The following RC3H1 variants were observed in gnomAD, a reference collection of about 807,000 sequenced individuals.
RC3H1 encodes roquin-1.
A neutral mutation model predicts 138.2 loss-of-function variants in RC3H1; 50 were observed. The ratio of observed to expected loss-of-function variants is 0.36; its 90% CI spans 0.29 to 0.46. The LOEUF is 0.46. RC3H1 is among the 20% of genes least tolerant of loss of function. The probability of loss-of-function intolerance (pLI) is 1.00; values close to 1 mark genes in which losing one functional copy is unlikely to be tolerated. For synonymous variants in RC3H1, 462 were observed against 489.1 expected (o/e 0.94, Z 0.73); for missense variants, 1,031 against 1,388.1 (o/e 0.74, Z 4.09).
In RC3H1 at chr1:173,970,632, A is replaced by T. The variant is rs1660316464; in HGVS notation, c.1222-15T>A. 1 of 1,551,206 alleles carries T rather than the reference A, an allele frequency of 6.4e-7. No homozygotes were observed. ...TGCTGTGGAGGCTAAAACCAAAATC[A>T]AAACATTAGATGTGTAATAACCCCC... On this transcript the variant is annotated splice_polypyrimidine_tract_variant and intron_variant, in intron 8 of 19. Coordinates refer to ENST00000367696, the MANE Select transcript of RC3H1 (RefSeq NM_172071.4).
chr1:173,944,529 T>A (rs1353272507), intron 17 of RC3H1, among the ~76,000 whole-genome samples: 1 of 152,190 alleles, frequency 6.6e-6, no homozygotes, highest in African/African-American at 2.4e-5. Context: ...GTAACAAACC[T>A]GCACGTTGTG....
At chr1:173,968,146 C>T (rs751989933) in intron 9 of RC3H1, among the ~76,000 whole-genome samples, 6 of 152,160 alleles carry the variant, frequency 3.9e-5, no homozygotes, top group Admixed American at 3.3e-4. Flanking sequence ...TCTATTCCTA[C>T]GCAAAAGACT....
At chr1:174,004,437 C>T (rs1661616396) in intron 1 of RC3H1, among the ~76,000 whole-genome samples, 1 of 151,852 alleles carries the variant, frequency 6.6e-6, no homozygotes, top group African/African-American at 2.4e-5. Context: ...GGTTTTAATA[C>T]ACAAATACGT....
chr1:173,984,380 G>A (rs1178426247), intron 3 of RC3H1, 119 bp downstream of exon 3: 19 of 832,538 alleles, frequency 2.3e-5, no homozygotes, highest in Non-Finnish European at 3.0e-5. Flanking sequence ...ATGGATAATT[G>A]CATCAAATTT....
At chr1:173,986,166 A>G (rs1286599652) in intron 2 of RC3H1, among the ~76,000 whole-genome samples, 2 of 151,680 alleles carry the variant, frequency 1.3e-5, no homozygotes, top group African/African-American at 4.8e-5. Flanking sequence ...GGACTACAGG[A>G]GCAAGCCACC....
chr1:173,993,033 A>C lies in RC3H1; in HGVS notation c.-48T>G. Reference sequence around the variant, plus strand: ...GAACACAAACACACACACAAATCTAAAGCAAAGATTCCACTGGAATCAAAA... The same window carrying C: ...GAACACAAACACACACACAAATCTACAGCAAAGATTCCACTGGAATCAAAA... On this transcript the variant is annotated 5_prime_UTR_variant, in exon 2 of 20. Coordinates refer to ENST00000367696, the MANE Select transcript of RC3H1 (RefSeq NM_172071.4). 20 of 1,339,356 alleles carry C rather than the reference A, an allele frequency of 1.5e-5. No individual in the cohort carries two copies. The highest frequency in any genetic ancestry group is 2.1e-5 in the Non-Finnish European group (20 of 935,584). 83.0% of individuals were successfully genotyped at this position (1,339,356 alleles called of 1,614,324 possible).
chr1:174,015,672 T>TTATA (rs71770714), intron 1 of RC3H1, among the ~76,000 whole-genome samples: 221 of 148,042 alleles, frequency 1.5e-3, no homozygotes, highest in Middle Eastern at 0.01. Context: ...GCCTCATATT[T>TTATA]TATATATATA....
In RC3H1 at chr1:173,942,759, G is replaced by A. The variant is rs1448569323; in HGVS notation, c.3135+683C>T. Among the ~76,000 whole-genome samples, 3 of 151,880 alleles carry A rather than the reference G, an allele frequency of 2.0e-5. No individual in the cohort carries two copies. In the East Asian group the frequency reaches 5.8e-4, roughly 29 times the overall value. On this transcript the variant is annotated intron_variant, in intron 18 of 19. Transcript: ENST00000367696. The stretch of plus-strand genomic sequence containing the variant: ...GTAGGAGAATGGCGTGAACCCGGGA[G>A]GCAGAGCTTGCAATGAGCCGAGATC...
chr1:173,977,237 C>T (rs1466534877), intron 7 of RC3H1, among the ~76,000 whole-genome samples: 1 of 152,112 alleles, frequency 6.6e-6, no homozygotes, highest in Non-Finnish European at 1.5e-5. Flanking sequence ...GATGTGATTT[C>T]TTTTACAGCA....
At chr1:174,002,854 T>G (rs1314448989) in intron 1 of RC3H1, among the ~76,000 whole-genome samples, 1 of 152,180 alleles carries the variant, frequency 6.6e-6, no homozygotes, top group Non-Finnish European at 1.5e-5. Flanking sequence ...GTTCTTAGAA[T>G]TCCTTCCCCA....
At chr1:173,990,196 G>A (rs1661215166) in intron 2 of RC3H1, among the ~76,000 whole-genome samples, 1 of 150,942 alleles carries the variant, frequency 6.6e-6, no homozygotes. Flanking sequence ...TCATGCCTCA[G>A]CCCCGAGTAG....
chr1:173,943,650 C>T, intron 17 of RC3H1, 35 bp from the exon 18 acceptor site: 1 of 1,580,998 alleles, frequency 6.3e-7, no homozygotes, highest in Non-Finnish European at 8.6e-7. Context: ...GAAAACTCAA[C>T]ACACTTCACA....
At chr1:174,002,640 T>A (rs1168118840) in intron 1 of RC3H1, among the ~76,000 whole-genome samples, 1 of 152,218 alleles carries the variant, frequency 6.6e-6, no homozygotes, top group Non-Finnish European at 1.5e-5. Context: ...ACAAGCACAT[T>A]AAGAACCTTA....
chr1:173,961,850 G>GT lies in RC3H1; in HGVS notation c.2076dup (p.Pro693ThrfsTer3). On this transcript the variant is annotated frameshift_variant, in exon 12 of 20. Coordinates refer to ENST00000367696, the MANE Select transcript of RC3H1 (RefSeq NM_172071.4). LOFTEE classifies it high-confidence loss of function. The stretch of plus-strand genomic sequence containing the variant: ...ACTGCTGCAGGTGGAATCTCAATGG[G>GT]TATAGGGCTTTCTCGGAATATCTCT... 1 of 1,614,130 alleles carries GT rather than the reference G, an allele frequency of 6.2e-7. No homozygotes were observed. Among genetic ancestry groups the GT allele is most frequent in the Non-Finnish European group, 8.5e-7 (1 of 1,180,026 alleles).
At chr1:173,952,202 G>T in intron 13 of RC3H1, 64 bp from the exon 14 acceptor site, 1 of 1,207,766 alleles carries the variant, frequency 8.3e-7, no homozygotes. Flanking sequence ...ACAGGAAATG[G>T]GTCTATGAGT....
intron 1 of RC3H1, among the ~76,000 whole-genome samples, chr1:173,994,050 G>A (rs895005145): frequency 1.4e-5 from 2 of 139,586 alleles, no homozygotes; most frequent in Non-Finnish European, 3.1e-5. Flanking sequence ...AAAAAGCTTT[G>A]TTGGGGAAGG....
intron 7 of RC3H1, among the ~76,000 whole-genome samples, chr1:173,976,264 C>T (rs1660578384): frequency 6.6e-6 from 1 of 151,890 alleles, no homozygotes; most frequent in Middle Eastern, 3.4e-3. Context: ...TGGTGAAACC[C>T]TGTTTCTACT....
At chr1:174,020,283 T>A (rs1661934335) in intron 1 of RC3H1, among the ~76,000 whole-genome samples, 1 of 152,224 alleles carries the variant, frequency 6.6e-6, no homozygotes, top group East Asian at 1.9e-4. Context: ...TTATTTATGC[T>A]AAGCATAAAA....
At chr1:173,975,947 G>C (rs1212988048) in intron 7 of RC3H1, among the ~76,000 whole-genome samples, 1 of 134,314 alleles carries the variant, frequency 7.4e-6, no homozygotes, top group Non-Finnish European at 1.6e-5. Flanking sequence ...CAGTAAATTT[G>C]TGAGTTACAT....
Sources: gnomAD v4.1 joint callset for allele counts (sites outside exome capture counted in the v4.1 genomes callset) on GRCh38, gnomAD v4.1.1 for gene constraint, MANE v1.5 for transcripts, NCBI Gene and HGNC (gene_info 2026-07-23, HGNC 2026-07-21) for gene names.